Variants in ZC3H13 observed in about 807,000 individuals in gnomAD.
The protein encoded by ZC3H13 is zinc finger CCCH domain-containing protein 13.
Under a neutral mutation model 204.1 loss-of-function variants are expected in ZC3H13, and 64 were observed. The observed-to-expected ratio is 0.31, with a 90% CI of 0.26 to 0.39. ZC3H13 has a LOEUF of 0.39. Among genes scored for constraint, ZC3H13 ranks in the 10% least tolerant of loss-of-function variants. ZC3H13 has a pLI of 1.00. For synonymous variants in ZC3H13, 667 were observed against 693.7 expected, an observed-to-expected ratio of 0.96 and a Z score of 0.60; for missense variants, 1,833 against 2,082.7, an observed-to-expected ratio of 0.88 and a Z score of 2.33.
In ZC3H13 at chr13:45,975,785, G is replaced by A. The variant is rs771366829; in HGVS notation, c.1966C>T (p.Arg656Cys). 1.9e-6 allele frequency: 3 copies of A among 1,613,206 alleles called. No individual in the cohort carries two copies. The highest frequency in any genetic ancestry group is 1.3e-5 in the African/African-American group (1 of 74,772). Residue 656 changes from arginine (R) to cysteine (C), a missense_variant, in exon 12 of 19, where the codon CGT becomes TGT. By Grantham distance (180) the Arg-to-Cys change is radical. Around this residue, in one of 5 missense-constraint regions of ZC3H13, gnomAD observed 1,574 missense variants for 1,757.2 expected, o/e 0.90. Transcript: ENST00000679008. ...CTTCGTTCCTCTCTTCTTTCATCAC[G>A]CTCAAGCTCGTCATTCCTTCCCTGA... ...RHQGRNDELE[R>C]DERREERRVD...
Position 45,969,331 on chromosome 13 carries a change from A to G in ZC3H13, c.3213T>C (p.Asp1071=), listed in dbSNP as rs1419766926. Residue 1071 remains aspartate (D), a synonymous_variant, in exon 14 of 19, where the codon GAT becomes GAC. Transcript: ENST00000679008. ...CTGTCACCTCTGTACGGTCAGGGAC[A>G]TCCTCATCAGACCAGTCACTGAATG... ...DTAFSDWSDE[D]VPDRTEVTEA... The G allele has an allele frequency of 1.7e-5, 27 of 1,613,878 alleles. No individual in the cohort carries two copies. The highest frequency in any genetic ancestry group is 2.3e-5 in the Non-Finnish European group (27 of 1,180,018).
intron 9 of ZC3H13, 74 bp from the exon 10 acceptor site, chr13:45,985,835 C>T (rs1954136904): frequency 1.5e-6 from 2 of 1,329,112 alleles, no homozygotes; most frequent in Middle Eastern, 2.3e-4. Flanking sequence ...ATATTTAATA[C>T]AGAACTTTAA....
intron 7 of ZC3H13, among the ~76,000 whole-genome samples, chr13:46,005,190 T>C (rs1380371535): frequency 6.6e-6 from 1 of 152,204 alleles, no homozygotes; most frequent in Non-Finnish European, 1.5e-5. Flanking sequence ...TAAATCCAGG[T>C]ATTTTCAAAA....
intron 5 of ZC3H13, among the ~76,000 whole-genome samples, chr13:46,016,252 C>T (rs2041902823): frequency 6.6e-6 from 1 of 152,102 alleles, no homozygotes; most frequent in African/African-American, 2.4e-5. Flanking sequence ...TGTGTCTGTA[C>T]ATGTTTACCA....
At chr13:45,992,051 A>G (rs1346690549) in intron 8 of ZC3H13, among the ~76,000 whole-genome samples, 2 of 152,214 alleles carry the variant, frequency 1.3e-5, no homozygotes, top group Non-Finnish European at 2.9e-5. Context: ...ATATGCTTAC[A>G]TAATGCACTA....
At chr13:46,002,636 G>A (rs957456804) in intron 8 of ZC3H13, among the ~76,000 whole-genome samples, 1 of 152,158 alleles carries the variant, frequency 6.6e-6, no homozygotes, top group African/African-American at 2.4e-5. Context: ...AAGGAACCCT[G>A]AGGACATTCT....
chr13:45,983,112 T>C (rs1953803279), intron 10 of ZC3H13, among the ~76,000 whole-genome samples: 2 of 152,046 alleles, frequency 1.3e-5, no homozygotes, highest in African/African-American at 4.8e-5. Flanking sequence ...AAACAAACTT[T>C]ATCTTAGAGA....
intron 4 of ZC3H13, among the ~76,000 whole-genome samples, chr13:46,030,562 G>A (rs924482504): frequency 2.6e-5 from 4 of 152,130 alleles, no homozygotes; most frequent in Non-Finnish European, 4.4e-5. Context: ...TAAAGCTATA[G>A]CAATCAAGAC....
intron 17 of ZC3H13, chr13:45,962,708 TA>T (rs1951778542): frequency 1.0e-6 from 1 of 981,596 alleles, no homozygotes; most frequent in African/African-American, 1.7e-5. Flanking sequence ...CATAAAACAA[TA>T]TTTTTTTATT....
rs768771396 is a variant in ZC3H13 at position 45,999,172 on chromosome 13, G to C, written c.944+3967C>G. On this transcript the variant is annotated intron_variant, in intron 8 of 18. Coordinates refer to ENST00000679008, the MANE Select transcript of ZC3H13 (RefSeq NM_001330564.2). ...GGAGGATCACTTCACCACTTGATGG[G>C]AGGCGGAGGCTACAATGAGCTGAGA... Among the ~76,000 whole-genome samples, 4 of 152,282 alleles carry C rather than the reference G, an allele frequency of 2.6e-5. No individual in the cohort carries two copies. The East Asian group carries it at 7.7e-4, about 29-fold the overall frequency.
intron 12 of ZC3H13, among the ~76,000 whole-genome samples, chr13:45,975,002 C>T (rs3934247): frequency 0.73 from 111,389 of 151,816 alleles, 41,145 homozygotes; most frequent in East Asian, 0.8. Context: ...CGTGCCACCA[C>T]GTCCGGCTAA....
chr13:46,020,328 T>G (rs540984401), intron 5 of ZC3H13, 121 bp downstream of exon 5: 1 of 751,074 alleles, frequency 1.3e-6, no homozygotes, highest in Non-Finnish European at 2.2e-6. Context: ...GATAGAAATA[T>G]GTCAATAAAA....
intron 4 of ZC3H13, among the ~76,000 whole-genome samples, chr13:46,040,690 CTGCAAGTTACATA>C (rs2043517773): frequency 1.3e-5 from 2 of 152,078 alleles, no homozygotes; most frequent in Non-Finnish European, 2.9e-5. Flanking sequence ...GAGAAAAGAT[CTGCAAGTTACATA>C]TACGATAAGG....
chr13:46,024,731 T>C (rs1375161251), intron 4 of ZC3H13, among the ~76,000 whole-genome samples: 2 of 150,918 alleles, frequency 1.3e-5, no homozygotes, highest in Middle Eastern at 3.2e-3. Context: ...CAACATTCTT[T>C]TTTTTTTTTC....
intron 9 of ZC3H13, among the ~76,000 whole-genome samples, chr13:45,986,848 CT>C (rs1448219723): frequency 2.0e-5 from 3 of 152,178 alleles, no homozygotes; most frequent in African/African-American, 7.2e-5. Flanking sequence ...GGCCCACAGA[CT>C]TTCTCATGGA....
rs1328375397 is a variant in ZC3H13, at chr13:45,954,818, A to G, written c.*2309T>C. On this transcript the variant is annotated 3_prime_UTR_variant, in exon 19 of 19. Transcript: ENST00000679008. Reference sequence around the variant, plus strand: ...GCTAGGATGGTGACGACAATCTGCAATTACTGGTCAGAGTGAAGCGAAGTG... The same window carrying G: ...GCTAGGATGGTGACGACAATCTGCAGTTACTGGTCAGAGTGAAGCGAAGTG... The G allele has an allele frequency of 2.6e-5, 4 of 152,242 alleles. No individual in the cohort carries two copies. The highest frequency in any genetic ancestry group is 4.8e-5 in the African/African-American group (2 of 41,466). The allele number at this position is 152,242 out of a possible 1,614,324, so 9.4% of individuals were successfully genotyped here. A position where few individuals can be genotyped will look rare whatever the true frequency, so the allele number is the denominator to read the frequency against.
chr13:46,002,460 T>G (rs1477491464), intron 8 of ZC3H13, among the ~76,000 whole-genome samples: 1 of 152,198 alleles, frequency 6.6e-6, no homozygotes, highest in Non-Finnish European at 1.5e-5. Flanking sequence ...AAAGGGATTA[T>G]TTACACATTC....
At chr13:46,005,124 T>C (rs983976167) in intron 7 of ZC3H13, among the ~76,000 whole-genome samples, 1 of 152,210 alleles carries the variant, frequency 6.6e-6, no homozygotes, top group African/African-American at 2.4e-5. Context: ...GTTTTTCTGT[T>C]GGCATGCTTA....
intron 4 of ZC3H13, among the ~76,000 whole-genome samples, chr13:46,039,182 C>G (rs1463215915): frequency 1.3e-5 from 2 of 152,164 alleles, no homozygotes; most frequent in Non-Finnish European, 2.9e-5. Flanking sequence ...AGGGCTTTCT[C>G]ATCTAGGGAA....
Sources: allele counts gnomAD v4.1 joint callset (sites outside exome capture counted in the v4.1 genomes callset), GRCh38; gene constraint gnomAD v4.1.1; regional missense constraint gnomAD v4.1.1; transcripts MANE v1.5; gene names NCBI Gene and HGNC (gene_info 2026-07-23, HGNC 2026-07-21).